Variants in SLC9A2 observed in about 807,000 individuals in gnomAD.
The protein encoded by SLC9A2 is solute carrier family 9 member A2.
A neutral mutation model predicts 71.7 loss-of-function variants in SLC9A2; 42 were observed. The observed-to-expected ratio is 0.59, with a 90% CI of 0.46 to 0.76. SLC9A2 has a LOEUF of 0.76. Ranked by LOEUF, SLC9A2 falls within the 30% of genes least tolerant of loss-of-function variation. The pLI, the probability that SLC9A2 is intolerant of heterozygous loss-of-function variation, is 0.00. For missense variants in SLC9A2, 829 were observed against 1,017.4 expected, an observed-to-expected ratio of 0.81 and a Z score of 2.52; for synonymous variants, 396 against 392.5, an observed-to-expected ratio of 1.01 and a Z score of -0.10.
At chr2:102,694,929 C>G in intron 6 of SLC9A2, 114 bp from the exon 7 acceptor site, 1 of 828,508 alleles carries the variant, frequency 1.2e-6, no homozygotes. Flanking sequence ...AAATAATAAA[C>G]AAATAAGAAG....
chr2:102,658,573 C>T (rs778773098), intron 2 of SLC9A2, among the ~76,000 whole-genome samples: 37 of 151,418 alleles, frequency 2.4e-4, no homozygotes, highest in Non-Finnish European at 4.4e-4. Flanking sequence ...GTCACACGCT[C>T]ACTGCTCACT....
Position 102,683,331 on chromosome 2 carries a change from A to G in SLC9A2, c.1075A>G (p.Ile359Val), listed in dbSNP as rs1677490091. The G allele has an allele frequency of 6.2e-7, 1 of 1,614,134 alleles. No individual in the cohort carries two copies. Among genetic ancestry groups the G allele is most frequent in the Non-Finnish European group, 8.5e-7 (1 of 1,179,944 alleles). The stretch of plus-strand genomic sequence containing the variant: ...TGTATCTCAGAAATCCTACACGACC[A>G]TCAAGTACTTCATGAAGATGCTGAG... ...ENVSQKSYTTIKYFMKMLSSV... is the reference protein window; with the variant it reads ...ENVSQKSYTTVKYFMKMLSSV... The change falls in exon 4 of 12, where the codon ATC becomes GTC. Residue 359 changes from isoleucine to valine, a missense_variant. Ile to Val is a conservative substitution (Grantham distance 29, BLOSUM62 3). Around this residue, in one of 3 missense-constraint regions of SLC9A2, gnomAD observed 500 missense variants for 726.3 expected, o/e 0.69. Transcript: ENST00000233969.
intron 1 of SLC9A2, among the ~76,000 whole-genome samples, chr2:102,648,445 G>A (rs6746438): frequency 0.029 from 4,344 of 152,300 alleles, 216 homozygotes; most frequent in African/African-American, 0.1. Flanking sequence ...AGACAAGGAT[G>A]CCCTCTCTCG....
intron 3 of SLC9A2, among the ~76,000 whole-genome samples, chr2:102,669,930 G>T: frequency 6.6e-6 from 1 of 152,130 alleles, no homozygotes; most frequent in East Asian, 1.9e-4. Context: ...ACCTGAAGGG[G>T]GAAGGGCGTA....
rs1678035724 is a variant in SLC9A2, at chr2:102,708,639, G to A, written c.*150G>A. The A allele has an allele frequency of 4.2e-5, 37 of 879,864 alleles. No homozygotes were observed. In the East Asian group the frequency reaches 9.6e-4, roughly 23 times the overall value. The allele number at this position is 879,864 out of a possible 1,614,324, so 54.5% of individuals were successfully genotyped here. ...ACAGATTCATGCCACGGATAAATGAGGCAAATCCGAAGAAAAGGAAAATCG... is the reference window on the plus strand; with the variant it reads ...ACAGATTCATGCCACGGATAAATGAAGCAAATCCGAAGAAAAGGAAAATCG... On this transcript the variant is annotated 3_prime_UTR_variant, in exon 12 of 12. Coordinates refer to ENST00000233969, the MANE Select transcript of SLC9A2 (RefSeq NM_003048.6).
intron 3 of SLC9A2, among the ~76,000 whole-genome samples, chr2:102,666,186 C>T (rs945312798): frequency 6.7e-6 from 1 of 148,396 alleles, no homozygotes; most frequent in Non-Finnish European, 1.5e-5. Flanking sequence ...CATGCAATTC[C>T]AGTTTAGCTT....
chr2:102,654,053 G>A (rs1426657080), intron 1 of SLC9A2, among the ~76,000 whole-genome samples: 1 of 152,162 alleles, frequency 6.6e-6, no homozygotes, highest in African/African-American at 2.4e-5. Flanking sequence ...AGAGCGGGAG[G>A]GCTGGGTTTC....
intron 3 of SLC9A2, among the ~76,000 whole-genome samples, chr2:102,678,374 G>T (rs1677382150): frequency 1.3e-5 from 2 of 151,844 alleles, no homozygotes; most frequent in South Asian, 2.1e-4. Flanking sequence ...AAAGGGGGGG[G>T]AAGGATAATT....
chr2:102,625,199 T>C (rs1676223077), intron 1 of SLC9A2, among the ~76,000 whole-genome samples: 1 of 152,252 alleles, frequency 6.6e-6, no homozygotes, highest in Non-Finnish European at 1.5e-5. Context: ...GTTCTCTGTC[T>C]GAAGGATGAC....
At chr2:102,645,707 T>C (rs2104511233) in intron 1 of SLC9A2, among the ~76,000 whole-genome samples, 1 of 151,872 alleles carries the variant, frequency 6.6e-6, no homozygotes, top group Middle Eastern at 3.4e-3. Context: ...ATATCAGAGA[T>C]TGGAGATCAA....
rs1676102587 is a variant in SLC9A2 at position 102,619,947 on chromosome 2, G to A, written c.99G>A (p.Ala33=). ...LQVAGPVGAL[A]ETLLNAPRAM... Reference sequence around the variant, plus strand: ...TGGCGGGGCCCGTGGGCGCCCTGGCGGAGACCTTGCTGAACGCGCCGAGGG... The same window carrying A: ...TGGCGGGGCCCGTGGGCGCCCTGGCAGAGACCTTGCTGAACGCGCCGAGGG... Residue 33 remains alanine, a synonymous_variant, in exon 1 of 12, where the codon GCG becomes GCA. Transcript: ENST00000233969. The surrounding 1 kb of genome is among the most constrained non-coding windows in gnomAD (Gnocchi z 4.3). 3.7e-6 allele frequency: 6 copies of A among 1,611,100 alleles called. No individual in the cohort carries two copies. Among genetic ancestry groups the A allele is most frequent in the Non-Finnish European group, 5.1e-6 (6 of 1,178,668 alleles).
intron 1 of SLC9A2, among the ~76,000 whole-genome samples, chr2:102,651,467 C>T (rs1003297076): frequency 2.6e-5 from 4 of 152,172 alleles, no homozygotes; most frequent in Admixed American, 1.3e-4. Flanking sequence ...TCCCCTTATT[C>T]TTTTCTTCCC....
intron 1 of SLC9A2, among the ~76,000 whole-genome samples, chr2:102,646,475 G>T (rs1455456187): frequency 6.6e-6 from 1 of 152,060 alleles, no homozygotes; most frequent in Non-Finnish European, 1.5e-5. Context: ...ATATAAATGG[G>T]CTAAATGCCC....
At chr2:102,625,471 T>G (rs1163849330) in intron 1 of SLC9A2, among the ~76,000 whole-genome samples, 1 of 121,708 alleles carries the variant, frequency 8.2e-6, no homozygotes, top group Admixed American at 8.2e-5. Context: ...ACCTCCCCCC[T>G]CCCCCCACCG....
chr2:102,658,034 C>G lies in SLC9A2; in HGVS notation c.753+7C>G. On this transcript the variant is annotated splice_region_variant and intron_variant, in intron 2 of 11. Transcript: ENST00000233969. ...GAATGATGCAGTAACAGTGGTGAGT[C>G]ACATTCACACTGCATGACTCCAACA... The G allele has an allele frequency of 1.3e-6, 2 of 1,581,884 alleles. No individual in the cohort carries two copies. The highest frequency in any genetic ancestry group is 1.7e-6 in the Non-Finnish European group (2 of 1,161,032).
At chr2:102,620,189 C>T (rs1339767231) in intron 1 of SLC9A2, 52 bp downstream of exon 1, 1 of 1,514,766 alleles carries the variant, frequency 6.6e-7, no homozygotes, top group Non-Finnish European at 9.0e-7. Flanking sequence ...CGGGGGGACA[C>T]CTGGAGGGTG....
chr2:102,628,883 G>A, intron 1 of SLC9A2, among the ~76,000 whole-genome samples: 1 of 151,946 alleles, frequency 6.6e-6, no homozygotes, highest in Non-Finnish European at 1.5e-5. Flanking sequence ...ATGCATTTTG[G>A]CTAGATAGGT....
At chr2:102,693,002 CAT>C (rs1677691950) in intron 5 of SLC9A2, among the ~76,000 whole-genome samples, 1 of 151,188 alleles carries the variant, frequency 6.6e-6, no homozygotes, top group Non-Finnish European at 1.5e-5. Flanking sequence ...TATTATATAA[CAT>C]GTTATTAGAT....
At chr2:102,688,145 A>G (rs1216459354) in intron 5 of SLC9A2, among the ~76,000 whole-genome samples, 3 of 152,130 alleles carry the variant, frequency 2.0e-5, no homozygotes, top group African/African-American at 7.2e-5. Context: ...TTTTTCCAAT[A>G]TGATTGGTAA....
Sources: allele counts gnomAD v4.1 joint callset (sites outside exome capture counted in the v4.1 genomes callset), GRCh38; gene constraint gnomAD v4.1.1; regional missense constraint gnomAD v4.1.1; non-coding constraint Gnocchi (gnomAD v3.1); transcripts MANE v1.5; gene names NCBI Gene and HGNC (gene_info 2026-07-23, HGNC 2026-07-21).